The following RAB37 variants were observed in gnomAD, a reference collection of about 807,000 sequenced individuals.
RAB37 encodes ras-related protein Rab-37.
Under a neutral mutation model 33.1 loss-of-function variants are expected in RAB37, and 29 were observed. The observed-to-expected ratio is 0.88, with a 90% confidence interval of 0.65 to 1.20. The LOEUF (loss-of-function observed/expected upper bound fraction) is 1.20. RAB37 is among the 50% of genes most tolerant of loss of function. RAB37 has a pLI of 0.00. For synonymous variants in RAB37, 128 were observed against 119.5 expected (o/e 1.07, Z -0.47); for missense variants, 299 against 301.1 (o/e 0.99, Z 0.05).
In RAB37 at chr17:74,745,163, C is replaced by G; in HGVS notation, c.566+79C>G. 1 of 1,565,556 alleles carries G rather than the reference C, an allele frequency of 6.4e-7. No individual in the cohort carries two copies. The highest frequency in any genetic ancestry group is 8.8e-7 in the Non-Finnish European group (1 of 1,138,606). The stretch of plus-strand genomic sequence containing the variant: ...AATCCAGTAGGGCCCGGCCCCTGGC[C>G]CAGCCCCTGGACACACCTGCATTCT... On this transcript the variant is annotated intron_variant, in intron 8 of 8. Coordinates refer to ENST00000392613, the MANE Select transcript of RAB37 (RefSeq NM_001006638.3). This position sits in a 1 kb window ranked among gnomAD's most constrained non-coding sequence, Gnocchi z 4.5.
At position 74,740,812 on chromosome 17, in the gene RAB37, G is replaced by C. The variant is rs1445079918; in HGVS notation, c.138G>C (p.Leu46=). Residue 46 remains leucine (L), a synonymous_variant, in exon 2 of 9, where the codon CTG becomes CTC. Coordinates refer to ENST00000392613, the MANE Select transcript of RAB37 (RefSeq NM_001006638.3). ...CAGGCGTCGGCAAAACATGTTTCCT[G>C]ATCCAATTCAAAGACGGGGCCTTCC... is the stretch of plus-strand genomic sequence containing the variant. ...GDTGVGKTCF[L]IQFKDGAFLS... 3.1e-6 allele frequency: 5 copies of C among 1,614,010 alleles called. No homozygotes were observed. In the Admixed American group the frequency reaches 8.3e-5, roughly 27 times the overall value.
At chr17:74,740,673 C>A (rs2034589898) in intron 1 of RAB37, 95 bp from the exon 2 acceptor site, 2 of 885,990 alleles carry the variant, frequency 2.3e-6, no homozygotes, top group African/African-American at 1.6e-5. Flanking sequence ...TTCGTGCCAG[C>A]CCCCTCTTCT....
chr17:74,676,244 C>T lies in RAB37; in HGVS notation c.72+4586C>T, dbSNP rs533712710. Among the ~76,000 whole-genome samples, 20 of 152,138 alleles carry T rather than the reference C, an allele frequency of 1.3e-4. No individual in the cohort carries two copies. Among genetic ancestry groups the T allele is most frequent in the African/African-American group, 4.3e-4 (18 of 41,488 alleles). On this transcript the variant is annotated intron_variant, in intron 1 of 7. Transcript: ENST00000340415. The surrounding 1 kb of genome is among the most constrained non-coding windows in gnomAD (Gnocchi z 4.1). ...AGTTCAAGCACTTACTTCCTAATTC[C>T]CTATCACCAGGGCTCTAAGGAACAT...
intron 1 of RAB37, among the ~76,000 whole-genome samples, chr17:74,718,952 G>C (rs1459244444): frequency 6.6e-6 from 1 of 152,158 alleles, no homozygotes; most frequent in Non-Finnish European, 1.5e-5. Flanking sequence ...AACATAAAAA[G>C]TATGGCAGTG....
chr17:74,729,081 T>C lies in RAB37; in HGVS notation c.73-175T>C, dbSNP rs374863471. Reference sequence around the variant, plus strand: ...GGTGTTCTGTGTATGTGTGTACATGTTTTTCTATGTCTGTATGTGTGTGTC... The same window carrying C: ...GGTGTTCTGTGTATGTGTGTACATGCTTTTCTATGTCTGTATGTGTGTGTC... On this transcript the variant is annotated intron_variant, in intron 1 of 7. Transcript: ENST00000340415. This position sits in a 1 kb window ranked among gnomAD's most constrained non-coding sequence, Gnocchi z 4.2. 1.3e-5 allele frequency among the ~76,000 whole-genome samples: 2 copies of C among 152,048 alleles called. No homozygotes were observed. Among genetic ancestry groups the C allele is most frequent in the African/African-American group, 4.8e-5 (2 of 41,356 alleles).
chr17:74,698,744 A>G, intron 1 of RAB37: 2 of 721,134 alleles, frequency 2.8e-6, no homozygotes, highest in Non-Finnish European at 4.3e-6. Context: ...TCAAAAAACT[A>G]CAAACTACCT....
At chr17:74,741,898 T>C (rs2034627340) in intron 2 of RAB37, among the ~76,000 whole-genome samples, 1 of 152,004 alleles carries the variant, frequency 6.6e-6, no homozygotes, top group African/African-American at 2.4e-5. Context: ...TCGGTCACAG[T>C]CCCAAGGCTA....
Position 74,729,199 on chromosome 17 carries a change from C to A in RAB37, c.73-57C>A. ...TCCACTCCCACAGCCACAAGGACACCTCTGAGGCCAACTCACATCACAGGC... is the reference window on the plus strand; with the variant it reads ...TCCACTCCCACAGCCACAAGGACACATCTGAGGCCAACTCACATCACAGGC... On this transcript the variant is annotated intron_variant, in intron 1 of 7. Coordinates refer to the RAB37 transcript ENST00000340415. The surrounding 1 kb of genome is among the most constrained non-coding windows in gnomAD (Gnocchi z 4.2). 7.7e-7 allele frequency: 1 copy of A among 1,302,608 alleles called. No individual in the cohort carries two copies. Among genetic ancestry groups the A allele is most frequent in the Non-Finnish European group, 1.1e-6 (1 of 895,866 alleles). The allele number at this position is 1,302,608 out of a possible 1,614,324, so 80.7% of individuals were successfully genotyped here.
chr17:74,729,115 G>A lies in RAB37; in HGVS notation c.73-141G>A. 6.6e-6 allele frequency: 4 copies of A among 602,938 alleles called. No homozygotes were observed. In the Admixed American group the frequency reaches 7.0e-5, roughly 11 times the overall value. 37.3% of individuals were successfully genotyped at this position (602,938 alleles called of 1,614,324 possible). On this transcript the variant is annotated intron_variant, in intron 1 of 7. Coordinates refer to the RAB37 transcript ENST00000340415. This position sits in a 1 kb window ranked among gnomAD's most constrained non-coding sequence, Gnocchi z 4.2. ...GTCTGTATGTGTGTGTCAGTGTCTT[G>A]TGTGTGTGTGTTTCTGTGTGTGTGT...
At chr17:74,743,237 G>A (rs778287854) in intron 4 of RAB37, 42 bp downstream of exon 4, 1 of 1,613,792 alleles carries the variant, frequency 6.2e-7, no homozygotes, top group Non-Finnish European at 8.5e-7. Context: ...CAGCCCCTTG[G>A]TAGCATCCGT....
intron 1 of RAB37, among the ~76,000 whole-genome samples, chr17:74,737,725 A>C (rs2034515042): frequency 1.3e-5 from 2 of 152,156 alleles, no homozygotes; most frequent in African/African-American, 4.8e-5. Context: ...GACCGAACGG[A>C]GACTCGGAGA....
In RAB37 at chr17:74,698,386, A is replaced by T. The variant is rs199831669; in HGVS notation, c.72+26728A>T. ...CCTCTCACCTTTCTGCTGGTACTTC[A>T]TCATCCTCCAAGCCAAGAGTGAGGC... On this transcript the variant is annotated intron_variant, in intron 1 of 7. Transcript: ENST00000340415. The T allele has an allele frequency of 1.8e-5, 29 of 1,613,320 alleles. No homozygotes were observed. The East Asian group carries it at 6.5e-4, about 36-fold the overall frequency.
At chr17:74,699,257 G>A (rs2032812403) in intron 1 of RAB37, among the ~76,000 whole-genome samples, 1 of 152,132 alleles carries the variant, frequency 6.6e-6, no homozygotes, top group African/African-American at 2.4e-5. Context: ...AGGGTTCCAT[G>A]AGGTGGTTTT....
At chr17:74,684,854 G>GAGATAGATAGAT (rs59094915) in intron 1 of RAB37, among the ~76,000 whole-genome samples, 600 of 149,112 alleles carry the variant, frequency 4.0e-3, no homozygotes, top group East Asian at 6.9e-3. Flanking sequence ...ACATATGTGT[G>GAGATAGATAGAT]AGATAGATAG....
At chr17:74,708,641 A>G (rs1001202246) in intron 1 of RAB37, among the ~76,000 whole-genome samples, 4 of 152,164 alleles carry the variant, frequency 2.6e-5, no homozygotes, top group Admixed American at 2.0e-4. Context: ...AGGAGGCTGG[A>G]CGCGGTGGCT....
At chr17:74,698,312 G>A (rs1369485876) in intron 1 of RAB37, 22 of 1,206,248 alleles carry the variant, frequency 1.8e-5, no homozygotes, top group Non-Finnish European at 2.3e-5. Flanking sequence ...GCTCCCAGAT[G>A]CCACATCCCC....
intron 1 of RAB37, chr17:74,704,440 G>T: frequency 1.4e-6 from 2 of 1,404,672 alleles, no homozygotes; most frequent in Non-Finnish European, 2.0e-6. Flanking sequence ...GACAGAGCAG[G>T]CCCTGAGAGA....
At chr17:74,698,618 A>T in intron 1 of RAB37, 2 of 1,484,020 alleles carry the variant, frequency 1.3e-6, no homozygotes, top group Non-Finnish European at 1.8e-6. Context: ...GGGAACCCTC[A>T]CTCCTGGGGA....
intron 1 of RAB37, among the ~76,000 whole-genome samples, chr17:74,716,353 G>A (rs2034165065): frequency 6.6e-6 from 1 of 152,160 alleles, no homozygotes; most frequent in African/African-American, 2.4e-5. Flanking sequence ...CCCTGGCCTT[G>A]TGTGCTCTGC....
Sources: allele counts gnomAD v4.1 joint callset (sites outside exome capture counted in the v4.1 genomes callset), GRCh38; gene constraint gnomAD v4.1.1; non-coding constraint Gnocchi (gnomAD v3.1); transcripts MANE v1.5; gene names NCBI Gene and HGNC (gene_info 2026-07-23, HGNC 2026-07-21).